The following TRIM37 variants were observed in gnomAD, a reference collection of about 807,000 sequenced individuals.
TRIM37 encodes the protein E3 ubiquitin-protein ligase TRIM37.
TRIM37 carries 80 observed loss-of-function variants against 129.8 expected under a neutral mutation model. The ratio of observed to expected loss-of-function variants is 0.62; its 90% confidence interval spans 0.51 to 0.74. The LOEUF (loss-of-function observed/expected upper bound fraction) is 0.74. TRIM37 is among the 30% of genes least tolerant of loss of function. The pLI is 0.00. For synonymous variants in TRIM37, 389 were observed against 387.1 expected (o/e 1.00, Z -0.06); for missense variants, 1,054 against 1,176.5 (o/e 0.90, Z 1.52).
At chr17:58,982,638 T>G (rs1226561562), downstream of TRIM37, 2 of 447,788 alleles carry the variant, frequency 4.5e-6, no homozygotes, top group African/African-American at 4.0e-5. Flanking sequence ...ACAGCTTCAC[T>G]TTAGCAATGA....
At chr17:59,025,319 C>G (rs1218649581) in intron 19 of TRIM37, among the ~76,000 whole-genome samples, 2 of 151,308 alleles carry the variant, frequency 1.3e-5, no homozygotes, top group African/African-American at 4.9e-5. Context: ...TTTTTATTAA[C>G]CTGGGAGTTA....
intron 11 of TRIM37, 138 bp downstream of exon 11, chr17:59,062,429 A>G: frequency 1.4e-6 from 1 of 708,776 alleles, no homozygotes; most frequent in Non-Finnish European, 2.5e-6. Context: ...TGGGGGAAGA[A>G]GGGGAACAGG....
intron 4 of TRIM37, among the ~76,000 whole-genome samples, chr17:59,084,351 G>A (rs535347350): frequency 6.6e-6 from 1 of 152,218 alleles, no homozygotes; most frequent in East Asian, 1.9e-4. Flanking sequence ...AACACATATT[G>A]CATCATTTCC....
At chr17:59,012,866 ACT>A (rs1010134272) in intron 21 of TRIM37, among the ~76,000 whole-genome samples, 2 of 148,316 alleles carry the variant, frequency 1.3e-5, no homozygotes, top group Non-Finnish European at 3.0e-5. Context: ...ACAGAGTGAG[ACT>A]CTGTCTCAAA....
intron 18 of TRIM37, 87 bp from the exon 19 acceptor site, chr17:59,028,810 TAAAATA>T: frequency 7.2e-7 from 1 of 1,391,590 alleles, no homozygotes; most frequent in African/African-American, 1.4e-5. Flanking sequence ...ATTTGATGTG[TAAAATA>T]AGCTAGCGTG....
intron 19 of TRIM37, among the ~76,000 whole-genome samples, chr17:59,028,038 T>C (rs552791441): frequency 3.3e-5 from 5 of 152,298 alleles, no homozygotes; most frequent in African/African-American, 4.8e-5. Context: ...ACTACCCCAA[T>C]AGAACATGTC....
intron 2 of TRIM37, among the ~76,000 whole-genome samples, chr17:59,096,743 C>A (rs2044925240): frequency 6.6e-6 from 1 of 151,924 alleles, no homozygotes; most frequent in African/African-American, 2.4e-5. Flanking sequence ...TCCATTTCTT[C>A]AGAATATAAT....
chr17:59,091,630 T>C (rs1411224328), intron 2 of TRIM37, among the ~76,000 whole-genome samples: 2 of 137,838 alleles, frequency 1.5e-5, no homozygotes, highest in Admixed American at 8.0e-5. Flanking sequence ...TGTATAATAA[T>C]GTATAATATA....
intron 4 of TRIM37, among the ~76,000 whole-genome samples, chr17:59,084,649 A>T (rs1354724012): frequency 6.6e-6 from 1 of 152,216 alleles, no homozygotes; most frequent in African/African-American, 2.4e-5. Flanking sequence ...CCTCAAATTC[A>T]TAGGTTAAAG....
intron 13 of TRIM37, among the ~76,000 whole-genome samples, chr17:59,056,490 G>C (rs2040880704): frequency 6.6e-6 from 1 of 151,922 alleles, no homozygotes; most frequent in Non-Finnish European, 1.5e-5. Flanking sequence ...AGCACTTTGG[G>C]AGGCCGAGGC....
intron 13 of TRIM37, among the ~76,000 whole-genome samples, chr17:59,053,432 T>G (rs1403242510): frequency 1.3e-5 from 2 of 152,202 alleles, no homozygotes; most frequent in Non-Finnish European, 2.9e-5. Context: ...AGCATTATTT[T>G]ATAATAAGAG....
At chr17:59,027,700 A>C (rs1015518373) in intron 19 of TRIM37, among the ~76,000 whole-genome samples, 2 of 151,942 alleles carry the variant, frequency 1.3e-5, no homozygotes, top group African/African-American at 4.8e-5. Flanking sequence ...GATTATAAAC[A>C]CCCCTTATTT....
intron 3 of TRIM37, among the ~76,000 whole-genome samples, chr17:59,088,852 G>A (rs890649141): frequency 6.6e-6 from 1 of 151,970 alleles, no homozygotes; most frequent in African/African-American, 2.4e-5. Context: ...AAAAGACAAT[G>A]AAAAATATTA....
At chr17:59,035,150 C>A (rs2038320522) in intron 17 of TRIM37, among the ~76,000 whole-genome samples, 1 of 152,104 alleles carries the variant, frequency 6.6e-6, no homozygotes, top group South Asian at 2.1e-4. Flanking sequence ...ACTTCCACCT[C>A]CCAGTTTCAA....
intron 9 of TRIM37, among the ~76,000 whole-genome samples, chr17:59,068,450 T>C (rs935852549): frequency 3.3e-5 from 5 of 152,214 alleles, no homozygotes; most frequent in African/African-American, 1.2e-4. Flanking sequence ...AATTTTTATA[T>C]ATGACCCTTA....
In TRIM37 at chr17:59,106,789, A is replaced by G. The variant is rs2046044220; in HGVS notation, c.-328T>C. 3 of 540,316 alleles carry G rather than the reference A, an allele frequency of 5.6e-6. No individual in the cohort carries two copies. The highest frequency in any genetic ancestry group is 9.9e-6 in the Non-Finnish European group (3 of 301,790). The allele number at this position is 540,316 out of a possible 1,614,324, so 33.5% of individuals were successfully genotyped here. A position where few individuals can be genotyped will look rare whatever the true frequency, so the allele number is the denominator to read the frequency against. ...ACGCGGGCGCGCGCCTATGGAACTGACGGTGGAGTTCAGCGAAGAAGGTGC... is the reference window on the plus strand; with the variant it reads ...ACGCGGGCGCGCGCCTATGGAACTGGCGGTGGAGTTCAGCGAAGAAGGTGC... On this transcript the variant is annotated 5_prime_UTR_variant, in exon 1 of 24. Transcript: ENST00000262294.
intron 22 of TRIM37, among the ~76,000 whole-genome samples, chr17:59,006,120 C>A: frequency 6.6e-6 from 1 of 151,984 alleles, no homozygotes; most frequent in East Asian, 1.9e-4. Context: ...TCAAAAAAAA[C>A]ACACATTTCC....
chr17:59,056,854 A>ACAT, intron 13 of TRIM37, 21 bp downstream of exon 13: 1 of 1,610,186 alleles, frequency 6.2e-7, no homozygotes, highest in Non-Finnish European at 8.5e-7. Flanking sequence ...AAAAACCACA[A>ACAT]CATCAAATTT....
chr17:59,019,277 A>C (rs2036299691), intron 19 of TRIM37, among the ~76,000 whole-genome samples: 1 of 152,250 alleles, frequency 6.6e-6, no homozygotes, highest in Non-Finnish European at 1.5e-5. Flanking sequence ...GAGTGGATAA[A>C]CAGTATGTAG....
Sources: allele counts gnomAD v4.1 joint callset (sites outside exome capture counted in the v4.1 genomes callset), GRCh38; gene constraint gnomAD v4.1.1; transcripts MANE v1.5; gene names NCBI Gene and HGNC (gene_info 2026-07-23, HGNC 2026-07-21).